The following PRUNE2 variants were observed in gnomAD, a reference collection of about 807,000 sequenced individuals.
The protein encoded by PRUNE2 is protein prune homolog 2.
Under a neutral mutation model 252.0 loss-of-function variants are expected in PRUNE2, and 164 were observed. The observed-to-expected ratio is 0.65, with a 90% CI of 0.57 to 0.74. PRUNE2 has a LOEUF of 0.74. Among genes scored for constraint, PRUNE2 ranks in the 30% least tolerant of loss-of-function variants. The probability of loss-of-function intolerance (pLI) is 0.00; values close to 1 mark genes in which losing one functional copy is unlikely to be tolerated. For synonymous variants in PRUNE2, 1,292 were observed against 1,350.2 expected (o/e 0.96, Z 0.94); for missense variants, 3,495 against 3,711.0 (o/e 0.94, Z 1.51).
intron 6 of PRUNE2, chr9:76,819,554 T>C (rs2057912724): frequency 6.6e-6 from 1 of 152,228 alleles, no homozygotes; most frequent in Admixed American, 6.5e-5. Flanking sequence ...TAAATTTCTA[T>C]TGTTTAAGAC....
chr9:76,686,585 G>T (rs1337858242), intron 9 of PRUNE2, among the ~76,000 whole-genome samples: 2 of 152,044 alleles, frequency 1.3e-5, no homozygotes, highest in African/African-American at 4.8e-5. Flanking sequence ...TCTCCAAGTA[G>T]TTGGGACCAC....
At chr9:76,807,308 A>C (rs1023908671) in intron 6 of PRUNE2, among the ~76,000 whole-genome samples, 1 of 151,964 alleles carries the variant, frequency 6.6e-6, no homozygotes, top group African/African-American at 2.4e-5. Flanking sequence ...CCTGGTCTCA[A>C]GTGATCCTTC....
At chr9:76,644,369 T>C (rs1022448993) in intron 12 of PRUNE2, 4 of 266,786 alleles carry the variant, frequency 1.5e-5, no homozygotes, top group African/African-American at 6.7e-5. Flanking sequence ...TCGGGGGTAG[T>C]GTTATGACAC....
chr9:76,669,060 C>T (rs1373636672), intron 9 of PRUNE2, among the ~76,000 whole-genome samples: 1 of 151,676 alleles, frequency 6.6e-6, no homozygotes, highest in East Asian at 2.0e-4. Flanking sequence ...AGGGCCTACC[C>T]TAATGAATTC....
At chr9:76,862,156 C>T in intron 1 of PRUNE2, 1 of 152,558 alleles carries the variant, frequency 6.6e-6, no homozygotes, top group Non-Finnish European at 1.5e-5. Flanking sequence ...CGGTGGCTCA[C>T]GCCTGTAATC....
At chr9:76,626,020 A>G (rs1027094809) in intron 16 of PRUNE2, among the ~76,000 whole-genome samples, 5 of 152,210 alleles carry the variant, frequency 3.3e-5, no homozygotes, top group Non-Finnish European at 7.3e-5. Flanking sequence ...CATGAGTTCA[A>G]TGTTCATAAA....
intron 6 of PRUNE2, among the ~76,000 whole-genome samples, chr9:76,801,394 T>C (rs1021823613): frequency 1.3e-5 from 2 of 152,196 alleles, no homozygotes; most frequent in Non-Finnish European, 2.9e-5. Context: ...TCAACATCCC[T>C]TAGCAGATTA....
chr9:76,860,397 T>C (rs2060485238), intron 1 of PRUNE2, among the ~76,000 whole-genome samples: 1 of 152,170 alleles, frequency 6.6e-6, no homozygotes, highest in African/African-American at 2.4e-5. Context: ...ACAGTTTCCA[T>C]TTTTTAACAA....
intron 7 of PRUNE2, among the ~76,000 whole-genome samples, 188 bp from the exon 8 acceptor site, chr9:76,711,546 A>G (rs2046733355): frequency 6.6e-6 from 1 of 152,132 alleles, no homozygotes; most frequent in Admixed American, 6.5e-5. Context: ...ATTCTATCCA[A>G]CTGTCTCTCT....
intron 1 of PRUNE2, among the ~76,000 whole-genome samples, chr9:76,890,353 G>A (rs1263076123): frequency 6.6e-6 from 1 of 152,226 alleles, no homozygotes; most frequent in Admixed American, 6.5e-5. Context: ...GATATTTTGA[G>A]GAAATGGGGA....
intron 4 of PRUNE2, among the ~76,000 whole-genome samples, chr9:76,837,327 A>G (rs1037955047): frequency 2.6e-5 from 4 of 152,194 alleles, no homozygotes; most frequent in Admixed American, 2.6e-4. Context: ...CTGCAGTCCC[A>G]ACTACTCGGG....
At chr9:76,886,122 G>A (rs747736519) in intron 1 of PRUNE2, among the ~76,000 whole-genome samples, 1 of 151,708 alleles carries the variant, frequency 6.6e-6, no homozygotes, top group Non-Finnish European at 1.5e-5. Context: ...GGAGGCGGAG[G>A]TTGCAGTGAC....
At chr9:76,628,298 G>A (rs775327208) in intron 16 of PRUNE2, among the ~76,000 whole-genome samples, 3 of 152,150 alleles carry the variant, frequency 2.0e-5, no homozygotes, top group Non-Finnish European at 4.4e-5. Context: ...ATCATCCTGA[G>A]ACCTTCAGTA....
intron 16 of PRUNE2, among the ~76,000 whole-genome samples, chr9:76,626,076 TA>T (rs984502692): frequency 2.0e-5 from 3 of 152,040 alleles, no homozygotes; most frequent in Non-Finnish European, 4.4e-5. Context: ...GAAACACACA[TA>T]AAAAAAGGTT....
intron 9 of PRUNE2, among the ~76,000 whole-genome samples, chr9:76,689,571 C>T (rs2044485936): frequency 6.6e-6 from 1 of 151,708 alleles, no homozygotes; most frequent in Admixed American, 6.6e-5. Flanking sequence ...CCAGCTCAGG[C>T]TGGTCTCAAA....
chr9:76,760,948 C>T (rs541418277), intron 6 of PRUNE2, among the ~76,000 whole-genome samples: 106 of 151,878 alleles, frequency 7.0e-4, no homozygotes, highest in African/African-American at 2.5e-3. Flanking sequence ...TAGCCGGGTG[C>T]GGTGGCCCAT....
At chr9:76,690,988 T>C (rs796728570) in intron 9 of PRUNE2, among the ~76,000 whole-genome samples, 66 of 152,342 alleles carry the variant, frequency 4.3e-4, no homozygotes, top group African/African-American at 1.5e-3. Flanking sequence ...CCATGGGTCA[T>C]TTTTTTGATT....
At chr9:76,620,314 A>AT (rs1302548855) in intron 17 of PRUNE2, among the ~76,000 whole-genome samples, 2 of 151,578 alleles carry the variant, frequency 1.3e-5, no homozygotes, top group Non-Finnish European at 2.9e-5. Context: ...TAATTTTCAT[A>AT]TTTTTGGTAG....
At chr9:76,638,658 T>C (rs1841199517) in intron 12 of PRUNE2, among the ~76,000 whole-genome samples, 1 of 152,206 alleles carries the variant, frequency 6.6e-6, no homozygotes, top group Non-Finnish European at 1.5e-5. Context: ...ATCATACTAA[T>C]ACATAAGTAC....
Sources: allele counts gnomAD v4.1 joint callset (sites outside exome capture counted in the v4.1 genomes callset), GRCh38; gene constraint gnomAD v4.1.1; transcripts MANE v1.5; gene names NCBI Gene and HGNC (gene_info 2026-07-23, HGNC 2026-07-21).